Variants in TMPRSS5 observed in about 807,000 individuals in gnomAD.
TMPRSS5 encodes the protein transmembrane protease serine 5.
A neutral mutation model predicts 59.7 loss-of-function variants in TMPRSS5; 45 were observed. The ratio of observed to expected loss-of-function variants is 0.75; its 90% CI spans 0.59 to 0.97. The LOEUF (loss-of-function observed/expected upper bound fraction) is 0.97. Ranked by LOEUF, TMPRSS5 falls within the 50% of genes least tolerant of loss-of-function variation. TMPRSS5 has a pLI of 0.00. For missense variants in TMPRSS5, 585 were observed against 596.7 expected, an observed-to-expected ratio of 0.98 and a Z score of 0.20; for synonymous variants, 225 against 232.0, an observed-to-expected ratio of 0.97 and a Z score of 0.27.
At chr11:113,691,168 C>T (rs773803806) in intron 9 of TMPRSS5, among the ~76,000 whole-genome samples, 6 of 152,170 alleles carry the variant, frequency 3.9e-5, no homozygotes, top group African/African-American at 1.2e-4. Flanking sequence ...GTGTGCATGG[C>T]GCCCTCTATG....
intron 12 of TMPRSS5, 41 bp from the exon 13 acceptor site, chr11:113,688,315 T>G: frequency 7.1e-7 from 1 of 1,411,278 alleles, no homozygotes; most frequent in Non-Finnish European, 9.8e-7. Context: ...AGCATGGCTC[T>G]ACACTAGCCA....
In TMPRSS5 at chr11:113,690,858, TGGCCCCAGCCAGACACCCAGCACCG is replaced by T; in HGVS notation, c.1021_1045del (p.Arg341ThrfsTer61). 15 of 1,590,376 alleles carry T rather than the reference TGGCCCCAGCCAGACACCCAGCACCG, an allele frequency of 9.4e-6. No individual in the cohort carries two copies. The South Asian group carries it at 1.7e-4, about 18-fold the overall frequency. ...TGACTCACTATGGCTAGGGTGGGTG[TGGCCCCAGCCAGACACCCAGCACCG>T]CGAGCCCTTCGGAAAATGCTGTTCC... is the stretch of plus-strand genomic sequence containing the variant. On this transcript the variant is annotated frameshift_variant, in exon 10 of 13. Coordinates refer to ENST00000299882, the MANE Select transcript of TMPRSS5 (RefSeq NM_030770.4). LOFTEE classifies it high-confidence loss of function.
rs150393446 is a variant in TMPRSS5 at position 113,700,339 on chromosome 11, G to C, written c.4-171C>G. Among the ~76,000 whole-genome samples the C allele has an allele frequency of 4.2e-3, 640 of 152,162 alleles. 6 individuals carry two copies. The highest frequency in any genetic ancestry group is 0.013 in the African/African-American group (552 of 41,488). Reference sequence around the variant, plus strand: ...TATATTCCCACAAATACCTTGCCAGGCTCCCCTGTGCCCTCCTGGGGCCCC... The same window carrying C: ...TATATTCCCACAAATACCTTGCCAGCCTCCCCTGTGCCCTCCTGGGGCCCC... On this transcript the variant is annotated intron_variant, in intron 1 of 12. Transcript: ENST00000299882.
intron 6 of TMPRSS5, 39 bp from the exon 7 acceptor site, chr11:113,695,482 C>A: frequency 4.3e-6 from 7 of 1,609,510 alleles, no homozygotes; most frequent in Non-Finnish European, 6.0e-6. Flanking sequence ...TGGGCAGGGG[C>A]CGCCCTGCAG....
At chr11:113,706,080 G>C in intron 1 of TMPRSS5, 142 bp downstream of exon 1, 2 of 929,998 alleles carry the variant, frequency 2.2e-6, no homozygotes, top group South Asian at 1.6e-5. Context: ...GGCCACACAG[G>C]GCCCCTGCTA....
rs1327172879 is a variant in TMPRSS5, at chr11:113,694,540, G to T, written c.723C>A (p.His241Gln). 6.4e-7 allele frequency: 1 copy of T among 1,559,346 alleles called. No individual in the cohort carries two copies. Among genetic ancestry groups the T allele is most frequent in the Non-Finnish European group, 8.7e-7 (1 of 1,151,554 alleles). Residue 241 changes from histidine (H) to glutamine (Q), a missense_variant, in exon 8 of 13, where the codon CAC becomes CAA. Physicochemically the swap from His to Gln is conservative, Grantham distance 24. Transcript: ENST00000299882. The part of the protein sequence containing the change: ...WQASVALGFR[H>Q]TCGGSVLAPR... Reference sequence around the variant, plus strand: ...GCGCTAGCACAGAGCCCCCACACGTGTGCCGGAAGCCCAGGGCCACGCTGG... The same window carrying T: ...GCGCTAGCACAGAGCCCCCACACGTTTGCCGGAAGCCCAGGGCCACGCTGG...
At chr11:113,691,072 C>G in intron 9 of TMPRSS5, 133 bp from the exon 10 acceptor site, 3 of 768,714 alleles carry the variant, frequency 3.9e-6, no homozygotes, top group South Asian at 1.9e-5. Context: ...TGGGTTCCAC[C>G]AGCCAGGCCT....
At chr11:113,691,538 A>T (rs1952779025) in intron 9 of TMPRSS5, among the ~76,000 whole-genome samples, 1 of 152,036 alleles carries the variant, frequency 6.6e-6, no homozygotes, top group South Asian at 2.1e-4. Context: ...GCTACCTAGA[A>T]CTTCCACACT....
chr11:113,702,700 C>T (rs1456853892), intron 1 of TMPRSS5, among the ~76,000 whole-genome samples: 1 of 152,176 alleles, frequency 6.6e-6, no homozygotes, highest in Admixed American at 6.5e-5. Context: ...CTGTTCTGTG[C>T]AGCCTGAGAC....
At chr11:113,699,055 C>T (rs1713681) in intron 3 of TMPRSS5, 28 bp from the exon 4 acceptor site, 1 of 1,604,996 alleles carries the variant, frequency 6.2e-7, no homozygotes, top group East Asian at 2.2e-5. Context: ...GAGAAAGGGT[C>T]TGATTTCCAA....
At position 113,701,383 on chromosome 11, in the gene TMPRSS5, G is replaced by A. The variant is rs138012175; in HGVS notation, c.4-1215C>T. ...GTGGTCTCAGATGGAGATGAGGAAC[G>A]TCTTGGAAACTGAAGGAAAGGTGAC... On this transcript the variant is annotated intron_variant, in intron 1 of 12. Transcript: ENST00000299882. Among the ~76,000 whole-genome samples, 117 of 151,880 alleles carry A rather than the reference G, an allele frequency of 7.7e-4. 1 individual carries two copies. In the East Asian group the frequency reaches 0.02, roughly 26 times the overall value.
At chr11:113,697,573 C>A (rs560628565) in intron 4 of TMPRSS5, among the ~76,000 whole-genome samples, 155 bp from the exon 5 acceptor site, 1 of 152,310 alleles carries the variant, frequency 6.6e-6, no homozygotes, top group African/African-American at 2.4e-5. Context: ...GAGAGTGAGA[C>A]CAGTCCCAAG....
chr11:113,700,364 C>T (rs1002378307), intron 1 of TMPRSS5, among the ~76,000 whole-genome samples, 196 bp from the exon 2 acceptor site: 11 of 152,218 alleles, frequency 7.2e-5, no homozygotes, highest in Non-Finnish European at 5.9e-5. Flanking sequence ...CCTGGGGCCC[C>T]TAACCCCAAT....
At chr11:113,689,660 C>T in intron 12 of TMPRSS5, 105 bp downstream of exon 12, 1 of 1,283,514 alleles carries the variant, frequency 7.8e-7, no homozygotes, top group Admixed American at 2.3e-5. Context: ...GTCCTAGCAC[C>T]CTCCCCAGTC....
rs746483685 is a variant in TMPRSS5, at chr11:113,698,992, A to G, written c.241T>C (p.Ser81Pro). Residue 81 changes from serine to proline, a missense_variant, in exon 4 of 13, where the codon TCC becomes CCC. Transcript: ENST00000299882. ...ATCTCCTCATCCTGCAAGGTCCCGG[A>G]AATGGGCTGAGAGGCAGCAGGACAC... ...YLCPAASQPISGTLQDEEITL... is the reference protein window; with the variant it reads ...YLCPAASQPIPGTLQDEEITL... 1 of 1,610,768 alleles carries G rather than the reference A, an allele frequency of 6.2e-7. No homozygotes were observed. Among genetic ancestry groups the G allele is most frequent in the Non-Finnish European group, 8.5e-7 (1 of 1,178,670 alleles).
chr11:113,702,081 G>A (rs1337593790), intron 1 of TMPRSS5, among the ~76,000 whole-genome samples: 3 of 152,048 alleles, frequency 2.0e-5, no homozygotes, highest in African/African-American at 7.2e-5. Context: ...GAGAATAATG[G>A]CTTCCAGCTT....
At chr11:113,691,021 G>A in intron 9 of TMPRSS5, 82 bp from the exon 10 acceptor site, 1 of 1,318,360 alleles carries the variant, frequency 7.6e-7, no homozygotes, top group South Asian at 1.3e-5. Flanking sequence ...CCCAGGACTG[G>A]CAAGTCCTCC....
In TMPRSS5 at chr11:113,695,964, A is replaced by C. The variant is rs578064471; in HGVS notation, c.579-521T>G. Among the ~76,000 whole-genome samples the C allele has an allele frequency of 1.7e-4, 26 of 151,386 alleles. No homozygotes were observed. In the South Asian group the frequency reaches 5.3e-3, roughly 31 times the overall value. On this transcript the variant is annotated intron_variant, in intron 6 of 12. Transcript: ENST00000299882. ...AGCTCTTAGTTCCTTTTTTGACCAAAACTCTCTTCTCTTTCTTTACTCACC... is the reference window on the plus strand; with the variant it reads ...AGCTCTTAGTTCCTTTTTTGACCAACACTCTCTTCTCTTTCTTTACTCACC...
At position 113,695,435 on chromosome 11, in the gene TMPRSS5, C is replaced by CAACAAGA. The variant is rs1952902219; in HGVS notation, c.586_587insTCTTGTT (p.Cys196PhefsTer15). 1 of 1,613,838 alleles carries CAACAAGA rather than the reference C, an allele frequency of 6.2e-7. No homozygotes were observed. The highest frequency in any genetic ancestry group is 1.3e-5 in the African/African-American group (1 of 74,926). The stretch of plus-strand genomic sequence containing the variant: ...GAGGGAAACAACTTGACCAGAAGTG[C>CAACAAGA]AGTTGTTCCTGCAAAACAGAGGTAC... On this transcript the variant is annotated frameshift_variant, in exon 7 of 13. Transcript: ENST00000299882. LOFTEE classifies it high-confidence loss of function.
Sources: gnomAD v4.1 joint callset for allele counts (sites outside exome capture counted in the v4.1 genomes callset) on GRCh38, gnomAD v4.1.1 for gene constraint, MANE v1.5 for transcripts, NCBI Gene and HGNC (gene_info 2026-07-23, HGNC 2026-07-21) for gene names.